Variants in TBC1D16 observed in about 807,000 individuals in gnomAD.
The protein encoded by TBC1D16 is TBC1 domain family member 16.
Under a neutral mutation model 74.7 loss-of-function variants are expected in TBC1D16, and 58 were observed. The observed-to-expected ratio is 0.78, with a 90% CI of 0.63 to 0.97. The LOEUF is 0.97. TBC1D16 is among the 50% of genes least tolerant of loss of function. The pLI is 0.00. For synonymous variants in TBC1D16, 493 were observed against 474.7 expected (o/e 1.04, Z -0.50); for missense variants, 1,014 against 1,079.5 (o/e 0.94, Z 0.85).
chr17:79,966,758 C>T (rs538662322), intron 3 of TBC1D16, among the ~76,000 whole-genome samples: 1 of 152,186 alleles, frequency 6.6e-6, no homozygotes, highest in South Asian at 2.1e-4. Context: ...GAAGACATTA[C>T]AAGAATATAA....
At chr17:79,992,550 G>A (rs1029294587) in intron 3 of TBC1D16, among the ~76,000 whole-genome samples, 16 of 152,218 alleles carry the variant, frequency 1.1e-4, no homozygotes, top group Non-Finnish European at 1.2e-4. Flanking sequence ...AAGCAAGACA[G>A]ATCCTGATGC....
intron 1 of TBC1D16, chr17:80,024,100 A>T (rs2036393447): frequency 9.7e-6 from 1 of 102,888 alleles, no homozygotes; most frequent in South Asian, 3.1e-4. Flanking sequence ...GCTTTCCGCG[A>T]CAAAGCGCAG....
At chr17:80,015,669 G>A (rs917088507) in intron 1 of TBC1D16, among the ~76,000 whole-genome samples, 1 of 152,220 alleles carries the variant, frequency 6.6e-6, no homozygotes, top group African/African-American at 2.4e-5. Flanking sequence ...GCAACTGGGA[G>A]TGAATAAACC....
At chr17:79,991,288 G>A (rs1290335858) in intron 3 of TBC1D16, among the ~76,000 whole-genome samples, 1 of 152,192 alleles carries the variant, frequency 6.6e-6, no homozygotes, top group Non-Finnish European at 1.5e-5. Flanking sequence ...CATCCCATCA[G>A]CCAGGCATCT....
rs930114366 is a variant in TBC1D16 at position 79,971,438 on chromosome 17, C to T, written c.780-18620G>A. Among the ~76,000 whole-genome samples the T allele has an allele frequency of 6.6e-6, 1 of 152,012 alleles. No individual in the cohort carries two copies. The highest frequency in any genetic ancestry group is 1.5e-5 in the Non-Finnish European group (1 of 67,980). On this transcript the variant is annotated intron_variant, in intron 3 of 11. Coordinates refer to ENST00000310924, the MANE Select transcript of TBC1D16 (RefSeq NM_019020.4). The surrounding 1 kb of genome is among the most constrained non-coding windows in gnomAD (Gnocchi z 4.6). ...GCAGAATCGGCATTGGAAGCCTGTC[C>T]CCCAGGTCATCCTGGTCTGGAAGCC...
rs1046772276 is a variant in TBC1D16, at chr17:79,980,401, C to T, written c.780-27583G>A. Among the ~76,000 whole-genome samples, 1 of 152,174 alleles carries T rather than the reference C, an allele frequency of 6.6e-6. No individual in the cohort carries two copies. The highest frequency in any genetic ancestry group is 2.4e-5 in the African/African-American group (1 of 41,434). On this transcript the variant is annotated intron_variant, in intron 3 of 11. Coordinates refer to ENST00000310924, the MANE Select transcript of TBC1D16 (RefSeq NM_019020.4). The surrounding 1 kb of genome is among the most constrained non-coding windows in gnomAD (Gnocchi z 7.0). The stretch of plus-strand genomic sequence containing the variant: ...GAGCTTTCCTTCCTTCCCGGAGGAA[C>T]AAGACACTAAGAAGAGGTTCCCAGG...
Position 79,979,698 on chromosome 17 carries a change from G to A in TBC1D16, c.780-26880C>T, listed in dbSNP as rs2034497515. Among the ~76,000 whole-genome samples the A allele has an allele frequency of 6.6e-6, 1 of 151,984 alleles. No individual in the cohort carries two copies. On this transcript the variant is annotated intron_variant, in intron 3 of 11. Coordinates refer to ENST00000310924, the MANE Select transcript of TBC1D16 (RefSeq NM_019020.4). The surrounding 1 kb of genome is among the most constrained non-coding windows in gnomAD (Gnocchi z 4.8). Reference sequence around the variant, plus strand: ...ATCAGCCCGGAAAGGAATGTAACCTGTCAGGCCGCAAATCCCACGGTTCTC... The same window carrying A: ...ATCAGCCCGGAAAGGAATGTAACCTATCAGGCCGCAAATCCCACGGTTCTC...
Position 79,950,393 on chromosome 17 carries a change from G to A in TBC1D16, c.1257+18C>T. The A allele has an allele frequency of 6.3e-7, 1 of 1,591,248 alleles. No homozygotes were observed. The highest frequency in any genetic ancestry group is 1.1e-5 in the South Asian group (1 of 89,052). On this transcript the variant is annotated intron_variant, in intron 6 of 11. Transcript: ENST00000310924. The surrounding 1 kb of genome is among the most constrained non-coding windows in gnomAD (Gnocchi z 4.6). Reference sequence around the variant, plus strand: ...GGCCGGCTCTCCGCGGGGCCAGCTGGGCGGACCCGGACCTCACCTTCCGCA... The same window carrying A: ...GGCCGGCTCTCCGCGGGGCCAGCTGAGCGGACCCGGACCTCACCTTCCGCA...
chr17:79,941,461 CCT>C lies in TBC1D16; in HGVS notation c.2056-356_2056-355del, dbSNP rs146443810. Reference sequence around the variant, plus strand: ...GCCCACCTGTCCCTTTGGCAGCACCCCTCTCTTCTTCCCCCGCACCTTGCTCC... The same window carrying C: ...GCCCACCTGTCCCTTTGGCAGCACCCCTCTTCTTCCCCCGCACCTTGCTCC... On this transcript the variant is annotated intron_variant, in intron 11 of 11. Coordinates refer to ENST00000310924, the MANE Select transcript of TBC1D16 (RefSeq NM_019020.4). The surrounding 1 kb of genome is among the most constrained non-coding windows in gnomAD (Gnocchi z 4.3). 0.12 allele frequency among the ~76,000 whole-genome samples: 18,593 copies of C among 151,988 alleles called. 1,303 individuals are homozygous for C. Among genetic ancestry groups the C allele is most frequent in the East Asian group, 0.24 (1,210 of 5,136 alleles).
rs143662908 is a variant in TBC1D16 at position 80,028,579 on chromosome 17, C to T, written c.-63+7216G>A. On this transcript the variant is annotated intron_variant, in intron 1 of 11. Coordinates refer to ENST00000310924, the MANE Select transcript of TBC1D16 (RefSeq NM_019020.4). ...GATTTTAGAAGGCAAAAAGTAAAAG[C>T]GTCAATGCTGATTCTAAACCATCAG... is the stretch of plus-strand genomic sequence containing the variant. 6.3e-3 allele frequency among the ~76,000 whole-genome samples: 955 copies of T among 150,888 alleles called. 16 individuals are homozygous for T. The highest frequency in any genetic ancestry group is 0.022 in the African/African-American group (924 of 41,122).
At chr17:80,005,063 T>C (rs561701611) in intron 3 of TBC1D16, among the ~76,000 whole-genome samples, 1 of 151,754 alleles carries the variant, frequency 6.6e-6, no homozygotes, top group Non-Finnish European at 1.5e-5. Flanking sequence ...CTGGTGTTTT[T>C]GTTGTTCTTG....
chr17:79,949,727 G>A lies in TBC1D16; in HGVS notation c.1396C>T (p.Gln466Ter), dbSNP rs978161871. ...LQKRKEYSEI[Q>*]QKRLSMTPEE... is the part of the protein sequence containing the mutation. The stretch of plus-strand genomic sequence containing the variant: ...GGCCCCGGCGGTTACCTTTTCTGCT[G>A]GATCTCAGAGTACTCCTTTCGCTTC... Residue 466 changes from glutamine (Q) to a stop codon, truncating the protein, a stop_gained, in exon 7 of 12, where the codon CAG becomes TAG. Transcript: ENST00000310924. LOFTEE classifies it high-confidence loss of function. The A allele has an allele frequency of 1.9e-6, 3 of 1,609,982 alleles. No individual in the cohort carries two copies. Among genetic ancestry groups the A allele is most frequent in the Non-Finnish European group, 2.5e-6 (3 of 1,177,646 alleles).
In TBC1D16 at chr17:79,944,858, T is replaced by C; in HGVS notation, c.1908+50A>G. 6.7e-7 allele frequency: 1 copy of C among 1,488,810 alleles called. No individual in the cohort carries two copies. The highest frequency in any genetic ancestry group is 9.0e-7 in the Non-Finnish European group (1 of 1,110,922). 92.2% of individuals were successfully genotyped at this position (1,488,810 alleles called of 1,614,324 possible). A position where few individuals can be genotyped will look rare whatever the true frequency, so the allele number is the denominator to read the frequency against. The stretch of plus-strand genomic sequence containing the variant: ...CAGCAGGCAGGGTGGCCACGGTGGT[T>C]CAGGGGCCATGGTCCCAACCTCCCC... On this transcript the variant is annotated intron_variant, in intron 10 of 11. Transcript: ENST00000310924. This position sits in a 1 kb window ranked among gnomAD's most constrained non-coding sequence, Gnocchi z 7.7.
rs2034527897 is a variant in TBC1D16 at position 79,980,329 on chromosome 17, G to A, written c.780-27511C>T. ...CTTCTCTCTTGGCTTCACGGCACGG[G>A]CTTCTTGACCACCATGTAGGGTCAG... On this transcript the variant is annotated intron_variant, in intron 3 of 11. Transcript: ENST00000310924. This position sits in a 1 kb window ranked among gnomAD's most constrained non-coding sequence, Gnocchi z 7.0. Among the ~76,000 whole-genome samples, 1 of 152,162 alleles carries A rather than the reference G, an allele frequency of 6.6e-6. No individual in the cohort carries two copies. The highest frequency in any genetic ancestry group is 1.5e-5 in the Non-Finnish European group (1 of 68,018).
Position 79,940,889 on chromosome 17 carries a change from C to T in TBC1D16, c.2274G>A (p.Thr758=), listed in dbSNP as rs112102620. The change falls in exon 12 of 12, where the codon ACG becomes ACA. Residue 758 remains threonine (T), a synonymous_variant. Transcript: ENST00000310924. This position sits in a 1 kb window ranked among gnomAD's most constrained non-coding sequence, Gnocchi z 5.4. ...SLREGKKGPK[T]PQDGFGFRR is the part of the protein sequence containing the mutation. ...TGCGGAAGCCGAAGCCGTCCTGCGG[C>T]GTCTTTGGGCCCTTCTTGCCTTCCC... 126 of 1,570,798 alleles carry T rather than the reference C, an allele frequency of 8.0e-5. No homozygotes were observed. The highest frequency in any genetic ancestry group is 4.5e-4 in the Admixed American group (26 of 57,570).
At chr17:80,014,023 C>T (rs1292242223) in intron 1 of TBC1D16, among the ~76,000 whole-genome samples, 2 of 152,158 alleles carry the variant, frequency 1.3e-5, no homozygotes, top group East Asian at 3.9e-4. Context: ...CTCAGTTTCC[C>T]ACCTGCATCA....
chr17:79,952,932 A>T, intron 3 of TBC1D16, 114 bp from the exon 4 acceptor site: 3 of 1,243,220 alleles, frequency 2.4e-6, no homozygotes, highest in Non-Finnish European at 3.3e-6. Flanking sequence ...TTAAACACAC[A>T]TACAGGCACG....
chr17:79,969,044 A>G (rs2144053233), intron 3 of TBC1D16, among the ~76,000 whole-genome samples: 1 of 152,286 alleles, frequency 6.6e-6, no homozygotes, highest in East Asian at 1.9e-4. Flanking sequence ...GAAGATATAA[A>G]TGGCCAATAA....
chr17:79,963,405 G>A (rs957558534), intron 3 of TBC1D16, among the ~76,000 whole-genome samples: 5 of 152,192 alleles, frequency 3.3e-5, no homozygotes, highest in African/African-American at 7.2e-5. Context: ...CATCCATGCC[G>A]TAGCGTGGGT....
Sources: allele counts gnomAD v4.1 joint callset (sites outside exome capture counted in the v4.1 genomes callset), GRCh38; gene constraint gnomAD v4.1.1; non-coding constraint Gnocchi (gnomAD v3.1); transcripts MANE v1.5; gene names NCBI Gene and HGNC (gene_info 2026-07-23, HGNC 2026-07-21).